The following SGCZ variants were observed in gnomAD, a reference collection of about 807,000 sequenced individuals.
SGCZ encodes sarcoglycan zeta, also known as zeta-sarcoglycan.
In SGCZ, 40 loss-of-function variants were observed where a neutral mutation model predicts 41.3. That is an observed-to-expected ratio of 0.97 (90% CI 0.75 to 1.26). SGCZ has a LOEUF of 1.26. Ranked by LOEUF, SGCZ falls within the 50% of genes most tolerant of loss-of-function variation. The pLI is 0.00. For missense variants in SGCZ, 552 were observed against 369.8 expected (o/e 1.49, Z -4.04); for synonymous variants, 206 against 137.5 (o/e 1.50, Z -3.49).
intron 1 of SGCZ, among the ~76,000 whole-genome samples, chr8:15,177,403 A>T (rs1800032552): frequency 6.6e-6 from 1 of 152,196 alleles, no homozygotes; most frequent in Non-Finnish European, 1.5e-5. Context: ...ACCTCAATGG[A>T]TATGGCATGG....
chr8:14,274,255 A>G (rs1012322071), intron 3 of SGCZ, among the ~76,000 whole-genome samples: 8 of 152,166 alleles, frequency 5.3e-5, no homozygotes, highest in African/African-American at 1.9e-4. Flanking sequence ...AACAGAAGGC[A>G]TATTCTGACC....
chr8:14,189,418 G>C (rs1805019120), intron 4 of SGCZ, among the ~76,000 whole-genome samples: 1 of 152,070 alleles, frequency 6.6e-6, no homozygotes, highest in East Asian at 1.9e-4. Context: ...TCTGGTTCTT[G>C]CTTCTCTTTC....
chr8:14,877,184 G>C (rs1332468902), intron 1 of SGCZ, among the ~76,000 whole-genome samples: 1 of 152,004 alleles, frequency 6.6e-6, no homozygotes, highest in Non-Finnish European at 1.5e-5. Context: ...ATGTTGGCGT[G>C]GAGGGTCTTG....
chr8:14,645,284 G>A (rs574249784), intron 1 of SGCZ, among the ~76,000 whole-genome samples: 4 of 150,790 alleles, frequency 2.7e-5, no homozygotes, highest in South Asian at 2.1e-4. Flanking sequence ...TTCTTATTGC[G>A]AATTATACCT....
chr8:14,971,553 T>A (rs1023299250), intron 1 of SGCZ, among the ~76,000 whole-genome samples: 8 of 152,078 alleles, frequency 5.3e-5, no homozygotes, highest in African/African-American at 1.9e-4. Flanking sequence ...GTTAATATAC[T>A]AAATTACGTA....
chr8:15,056,399 A>C (rs898910365), intron 1 of SGCZ, among the ~76,000 whole-genome samples: 1 of 152,240 alleles, frequency 6.6e-6, no homozygotes, highest in Non-Finnish European at 1.5e-5. Flanking sequence ...ATTTTCTGCA[A>C]CATGGAAACA....
chr8:14,959,042 C>T (rs1800882501), intron 1 of SGCZ, among the ~76,000 whole-genome samples: 1 of 152,018 alleles, frequency 6.6e-6, no homozygotes. Context: ...TTTTTTCTTC[C>T]TTATGGCATA....
chr8:15,210,278 C>T (rs1406117690), intron 1 of SGCZ, among the ~76,000 whole-genome samples: 1 of 152,102 alleles, frequency 6.6e-6, no homozygotes, highest in Non-Finnish European at 1.5e-5. Flanking sequence ...GATGGATTTA[C>T]TGTTATTTTC....
intron 1 of SGCZ, among the ~76,000 whole-genome samples, chr8:14,993,916 G>A (rs752494799): frequency 1.3e-5 from 2 of 152,118 alleles, no homozygotes; most frequent in African/African-American, 2.4e-5. Flanking sequence ...GATTTTAATG[G>A]TATGACTCTA....
intron 1 of SGCZ, among the ~76,000 whole-genome samples, chr8:14,975,809 A>ATATATATATATATATATATATGTGTG (rs1181919961): frequency 7.6e-6 from 1 of 131,920 alleles, no homozygotes; most frequent in Non-Finnish European, 1.5e-5. Flanking sequence ...ATATATATAT[A>ATATATATATATATATATATATGTGTG]TGTGTGTGTG....
intron 2 of SGCZ, among the ~76,000 whole-genome samples, chr8:14,501,874 A>G (rs956742657): frequency 2.0e-5 from 3 of 152,118 alleles, no homozygotes; most frequent in African/African-American, 7.2e-5. Flanking sequence ...TTGCCAATAT[A>G]ATATCTTTTT....
intron 4 of SGCZ, among the ~76,000 whole-genome samples, chr8:14,206,431 A>G (rs536596847): frequency 6.6e-6 from 1 of 152,186 alleles, no homozygotes. Flanking sequence ...TACACACAAA[A>G]CTATTCACTT....
intron 4 of SGCZ, among the ~76,000 whole-genome samples, chr8:14,225,292 T>C (rs757871525): frequency 6.6e-6 from 1 of 152,108 alleles, no homozygotes; most frequent in Non-Finnish European, 1.5e-5. Flanking sequence ...AATGATCTGC[T>C]GTTTATGTGT....
chr8:14,452,378 T>G (rs1342846387), intron 2 of SGCZ, among the ~76,000 whole-genome samples: 1 of 152,044 alleles, frequency 6.6e-6, no homozygotes, highest in East Asian at 1.9e-4. Context: ...ATCGTAACGG[T>G]GGATACATGT....
chr8:14,143,580 T>C (rs982799084), intron 5 of SGCZ, among the ~76,000 whole-genome samples: 1 of 152,132 alleles, frequency 6.6e-6, no homozygotes. Context: ...TAGAGCAAGA[T>C]AGCAGACATG....
intron 1 of SGCZ, among the ~76,000 whole-genome samples, chr8:14,645,876 A>T (rs1807197465): frequency 1.3e-5 from 2 of 151,864 alleles, no homozygotes; most frequent in Non-Finnish European, 2.9e-5. Flanking sequence ...CAATTAAACT[A>T]AATTGAAGTG....
intron 2 of SGCZ, among the ~76,000 whole-genome samples, chr8:14,363,966 A>G (rs1285126090): frequency 6.6e-6 from 1 of 152,108 alleles, no homozygotes; most frequent in Non-Finnish European, 1.5e-5. Context: ...TGAGTGCAGA[A>G]GTAACATACT....
intron 1 of SGCZ, among the ~76,000 whole-genome samples, chr8:15,152,769 A>G (rs1018121546): frequency 7.2e-5 from 11 of 152,208 alleles, no homozygotes; most frequent in African/African-American, 2.7e-4. Flanking sequence ...TAATGTCTCT[A>G]TTAAGAACAC....
chr8:14,155,127 A>G (rs1337738927), intron 5 of SGCZ, among the ~76,000 whole-genome samples: 1 of 152,208 alleles, frequency 6.6e-6, no homozygotes, highest in African/African-American at 2.4e-5. Flanking sequence ...AATCCAATCT[A>G]GAATCACGTG....
Sources: gnomAD v4.1 joint callset for allele counts (sites outside exome capture counted in the v4.1 genomes callset) on GRCh38, gnomAD v4.1.1 for gene constraint, MANE v1.5 for transcripts, NCBI Gene and HGNC (gene_info 2026-07-23, HGNC 2026-07-21) for gene names.